Variants in LRRC2 observed in about 807,000 individuals in gnomAD.
LRRC2 encodes leucine-rich repeat-containing protein 2.
Under a neutral mutation model 40.2 loss-of-function variants are expected in LRRC2, and 27 were observed. The observed-to-expected ratio is 0.67, with a 90% CI of 0.49 to 0.93. The LOEUF (loss-of-function observed/expected upper bound fraction) is 0.93, where lower values mean the gene tolerates loss of function less well. Among genes scored for constraint, LRRC2 ranks in the 40% least tolerant of loss-of-function variants. LRRC2 has a pLI of 0.00. For synonymous variants in LRRC2, 147 were observed against 158.9 expected, an observed-to-expected ratio of 0.92 and a Z score of 0.56; for missense variants, 402 against 439.6, an observed-to-expected ratio of 0.91 and a Z score of 0.76.
intron 2 of LRRC2, among the ~76,000 whole-genome samples, chr3:46,547,949 G>A (rs1276082017): frequency 6.6e-6 from 1 of 152,104 alleles, no homozygotes; most frequent in Non-Finnish European, 1.5e-5. Flanking sequence ...GCAGACTCTA[G>A]GTCAAAGACA....
At chr3:46,536,589 T>G (rs1704273416) in intron 4 of LRRC2, among the ~76,000 whole-genome samples, 1 of 152,172 alleles carries the variant, frequency 6.6e-6, no homozygotes, top group Non-Finnish European at 1.5e-5. Context: ...CCCCCACCAG[T>G]GGTCTCAACC....
At chr3:46,545,856 C>T (rs1704513713) in intron 2 of LRRC2, among the ~76,000 whole-genome samples, 1 of 152,232 alleles carries the variant, frequency 6.6e-6, no homozygotes, top group South Asian at 2.1e-4. Flanking sequence ...GTCTCACAGC[C>T]CTTCAGATGC....
chr3:46,535,182 C>T (rs1042367918), intron 4 of LRRC2, among the ~76,000 whole-genome samples: 4 of 152,204 alleles, frequency 2.6e-5, no homozygotes, highest in Admixed American at 6.5e-5. Flanking sequence ...GACAACCTTA[C>T]CTAAATCATT....
intron 1 of LRRC2, among the ~76,000 whole-genome samples, chr3:46,554,761 A>C (rs1275133596): frequency 6.6e-6 from 1 of 152,318 alleles, no homozygotes; most frequent in East Asian, 1.9e-4. Flanking sequence ...GTAAATATAA[A>C]GGAGAATTGT....
At chr3:46,531,357 G>A (rs1369812489) in intron 5 of LRRC2, among the ~76,000 whole-genome samples, 1 of 151,982 alleles carries the variant, frequency 6.6e-6, no homozygotes, top group African/African-American at 2.4e-5. Context: ...ACTTGTAATG[G>A]GTGAGTCATA....
At chr3:46,528,917 GCCT>G (rs1704110061) in intron 6 of LRRC2, among the ~76,000 whole-genome samples, 1 of 151,986 alleles carries the variant, frequency 6.6e-6, no homozygotes, top group Non-Finnish European at 1.5e-5. Context: ...TTCAAGACCA[GCCT>G]GGGTAATATA....
At chr3:46,552,291 GCA>G (rs147162941) in intron 1 of LRRC2, among the ~76,000 whole-genome samples, 78 of 150,692 alleles carry the variant, frequency 5.2e-4, no homozygotes, top group African/African-American at 1.8e-3. Context: ...GCACGGGCAT[GCA>G]CACACACACA....
At chr3:46,545,285 T>C in intron 2 of LRRC2, 32 bp from the exon 3 acceptor site, 2 of 1,596,602 alleles carry the variant, frequency 1.3e-6, no homozygotes, top group South Asian at 2.2e-5. Flanking sequence ...ACAGTTACTC[T>C]CCTGGGGACT....
At chr3:46,556,943 T>C (rs532135528) in intron 1 of LRRC2, among the ~76,000 whole-genome samples, 1 of 148,826 alleles carries the variant, frequency 6.7e-6, no homozygotes, top group South Asian at 2.2e-4. Context: ...GGAATTCTGA[T>C]GACACAAATA....
chr3:46,547,505 AAG>A (rs148075776), intron 2 of LRRC2, among the ~76,000 whole-genome samples: 12,012 of 151,730 alleles, frequency 0.079, 528 homozygotes, highest in South Asian at 0.17. Flanking sequence ...AGAAAAAAAA[AAG>A]AAAGCGGGGC....
intron 4 of LRRC2, among the ~76,000 whole-genome samples, chr3:46,536,384 T>C (rs1486642193): frequency 6.6e-6 from 1 of 152,190 alleles, no homozygotes; most frequent in Non-Finnish European, 1.5e-5. Flanking sequence ...CCCAATATGT[T>C]GGTGTTTATT....
Position 46,516,797 on chromosome 3 carries a change from A to T in LRRC2, c.*2217T>A, listed in dbSNP as rs962648324. The T allele has an allele frequency of 2.0e-5, 3 of 152,244 alleles. No individual in the cohort carries two copies. Among genetic ancestry groups the T allele is most frequent in the African/African-American group, 7.2e-5 (3 of 41,430 alleles). 9.4% of individuals were successfully genotyped at this position (152,244 alleles called of 1,614,324 possible). The stretch of plus-strand genomic sequence containing the variant: ...CCCAAATTCCTTACATCTTCATGTG[A>T]ACTCCATCCCCCAACCCCCTCGCTG... On this transcript the variant is annotated 3_prime_UTR_variant, in exon 9 of 9. Coordinates refer to ENST00000395905, the MANE Select transcript of LRRC2 (RefSeq NM_024512.5).
Position 46,554,036 on chromosome 3 carries a change from CT to C in LRRC2, c.-19-2427del, listed in dbSNP as rs1186461204. 3.1e-4 allele frequency among the ~76,000 whole-genome samples: 46 copies of C among 150,806 alleles called. No homozygotes were observed. In the South Asian group the frequency reaches 9.4e-3, roughly 31 times the overall value. On this transcript the variant is annotated intron_variant, in intron 1 of 8. Transcript: ENST00000395905. ...TGTTGTTTTTTTGTTGTTTTTTTTC[CT>C]GAGACAGGGTCTCACTCTGTTGCCC... is the stretch of plus-strand genomic sequence containing the variant.
At chr3:46,559,631 C>T (rs946505165) in intron 1 of LRRC2, 3 of 152,214 alleles carry the variant, frequency 2.0e-5, no homozygotes, top group Non-Finnish European at 2.9e-5. Context: ...TAGTTCCCAT[C>T]TTAGAGGAAT....
At chr3:46,535,279 A>G (rs557081205) in intron 4 of LRRC2, among the ~76,000 whole-genome samples, 1 of 152,276 alleles carries the variant, frequency 6.6e-6, no homozygotes, top group Non-Finnish European at 1.5e-5. Flanking sequence ...ACATGTCATA[A>G]GAATTTCCAA....
intron 5 of LRRC2, among the ~76,000 whole-genome samples, chr3:46,530,504 C>T (rs746537578): frequency 4.6e-5 from 7 of 152,068 alleles, no homozygotes; most frequent in South Asian, 2.1e-4. Flanking sequence ...TACTTGAACC[C>T]GGATAGCGGA....
At chr3:46,559,225 G>A (rs1704882399) in intron 1 of LRRC2, 1 of 152,204 alleles carries the variant, frequency 6.6e-6, no homozygotes, top group African/African-American at 2.4e-5. Context: ...ATAAAGGAAC[G>A]CTACGCATCA....
In LRRC2 at chr3:46,518,133, A is replaced by T. The variant is rs1187009335; in HGVS notation, c.*881T>A. 6.6e-6 allele frequency: 1 copy of T among 152,286 alleles called. No homozygotes were observed. Among genetic ancestry groups the T allele is most frequent in the Non-Finnish European group, 1.5e-5 (1 of 68,080 alleles). 9.4% of individuals were successfully genotyped at this position (152,286 alleles called of 1,614,324 possible). On this transcript the variant is annotated 3_prime_UTR_variant, in exon 9 of 9. Coordinates refer to ENST00000395905, the MANE Select transcript of LRRC2 (RefSeq NM_024512.5). ...CATCTGAGCATCTCATGCCCAAAGC[A>T]TGGGCAGATATTCCAGCCTTTGTTT...
Position 46,529,933 on chromosome 3 carries a change from G to A in LRRC2, c.745C>T (p.Leu249=). The stretch of plus-strand genomic sequence containing the variant: ...TCTATATCTTGCGGCAGGTCGGTCA[G>A]GTTATTGCTGCTGATATCCAACCAC... ...LQWLDISSNN[L]TDLPQDIDRL... is the part of the protein sequence containing the mutation. The change falls in exon 6 of 9, where the codon CTG becomes TTG. Residue 249 remains leucine, a synonymous_variant. Transcript: ENST00000395905. 3 of 1,614,108 alleles carry A rather than the reference G, an allele frequency of 1.9e-6. No individual in the cohort carries two copies. The highest frequency in any genetic ancestry group is 2.5e-6 in the Non-Finnish European group (3 of 1,180,032).
Sources: allele counts gnomAD v4.1 joint callset (sites outside exome capture counted in the v4.1 genomes callset), GRCh38; gene constraint gnomAD v4.1.1; transcripts MANE v1.5; gene names NCBI Gene and HGNC (gene_info 2026-07-23, HGNC 2026-07-21).